The following C1orf185 variants were observed in gnomAD, a reference collection of about 807,000 sequenced individuals.
The protein encoded by C1orf185 is chromosome 1 open reading frame 185.
Under a neutral mutation model 16.1 loss-of-function variants are expected in C1orf185, and 13 were observed. That is an observed-to-expected ratio of 0.81 (90% CI 0.53 to 1.28). The LOEUF is 1.28. Ranked by LOEUF, C1orf185 falls within the 50% of genes most tolerant of loss-of-function variation. The probability of loss-of-function intolerance (pLI) is 0.00; values close to 1 mark genes in which losing one functional copy is unlikely to be tolerated. For synonymous variants in C1orf185, 80 were observed against 76.9 expected (o/e 1.04, Z -0.21); for missense variants, 220 against 225.2 (o/e 0.98, Z 0.15).
intron 3 of C1orf185, among the ~76,000 whole-genome samples, chr1:51,130,533 G>T (rs79474883): frequency 0.011 from 1,597 of 152,054 alleles, 33 homozygotes; most frequent in African/African-American, 0.035. Flanking sequence ...TATCTATATT[G>T]TTTATTTTAG....
intron 3 of C1orf185, among the ~76,000 whole-genome samples, chr1:51,122,887 A>G (rs2148018181): frequency 6.6e-6 from 1 of 152,316 alleles, no homozygotes; most frequent in East Asian, 1.9e-4. Flanking sequence ...TCACTTAGCA[A>G]TGTGCATTTA....
At chr1:51,112,345 A>G in intron 1 of C1orf185, 119 bp from the exon 2 acceptor site, 2 of 763,820 alleles carry the variant, frequency 2.6e-6, no homozygotes, top group South Asian at 2.2e-5. Flanking sequence ...CCATCTCCCA[A>G]TCTCCTGGTT....
At chr1:51,121,861 A>G (rs1199836102) in intron 3 of C1orf185, among the ~76,000 whole-genome samples, 1 of 152,126 alleles carries the variant, frequency 6.6e-6, no homozygotes, top group Non-Finnish European at 1.5e-5. Context: ...TGTTACCAGT[A>G]CCTTTGAGAT....
chr1:51,110,228 A>G (rs766202396), intron 1 of C1orf185, among the ~76,000 whole-genome samples: 1 of 152,212 alleles, frequency 6.6e-6, no homozygotes, highest in Non-Finnish European at 1.5e-5. Flanking sequence ...GGAGAAGTAA[A>G]TAAGTTAATG....
At chr1:51,102,359 A>G in intron 1 of C1orf185, 110 bp downstream of exon 1, 1 of 643,400 alleles carries the variant, frequency 1.6e-6, no homozygotes, top group Non-Finnish European at 2.9e-6. Context: ...AGCTTGTATA[A>G]GATAAGAAAT....
intron 3 of C1orf185, among the ~76,000 whole-genome samples, chr1:51,121,212 C>G (rs1388351028): frequency 6.6e-6 from 1 of 152,064 alleles, no homozygotes; most frequent in Non-Finnish European, 1.5e-5. Flanking sequence ...ATCTATTCCT[C>G]TTATCTAACT....
chr1:51,125,339 G>C (rs932108395), intron 3 of C1orf185, among the ~76,000 whole-genome samples: 12 of 152,128 alleles, frequency 7.9e-5, no homozygotes, highest in African/African-American at 2.9e-4. Context: ...AGGCTTGTGA[G>C]GACTTATAAG....
At chr1:51,119,509 T>C (rs1193155625) in intron 3 of C1orf185, among the ~76,000 whole-genome samples, 1 of 152,226 alleles carries the variant, frequency 6.6e-6, no homozygotes, top group Non-Finnish European at 1.5e-5. Context: ...AAACATTTGC[T>C]GGCTGGCCAT....
intron 3 of C1orf185, among the ~76,000 whole-genome samples, chr1:51,125,007 T>G (rs1475216860): frequency 6.6e-6 from 1 of 152,132 alleles, no homozygotes; most frequent in African/African-American, 2.4e-5. Context: ...CTTGCTCATT[T>G]TATGGGTATA....
At chr1:51,111,430 T>C (rs573632751) in intron 1 of C1orf185, among the ~76,000 whole-genome samples, 1 of 149,086 alleles carries the variant, frequency 6.7e-6, no homozygotes, top group Non-Finnish European at 1.5e-5. Context: ...TAGAGTGCAG[T>C]GGAGCAATTT....
At chr1:51,139,530 CTATT>C (rs576340103) in intron 3 of C1orf185, among the ~76,000 whole-genome samples, 44 of 152,234 alleles carry the variant, frequency 2.9e-4, no homozygotes, top group African/African-American at 1.0e-3. Flanking sequence ...AAGAGTAAAA[CTATT>C]TGTTTTTTGA....
Position 51,147,163 on chromosome 1 carries a change from C to T in C1orf185, c.296-304C>T, listed in dbSNP as rs182892947. Among the ~76,000 whole-genome samples, 260 of 152,074 alleles carry T rather than the reference C, an allele frequency of 1.7e-3. 2 individuals are homozygous for T. The highest frequency in any genetic ancestry group is 6.1e-3 in the African/African-American group (253 of 41,508). On this transcript the variant is annotated intron_variant, in intron 4 of 4. Transcript: ENST00000371759. ...AAAAATGATAGTTTATTAATTATACCAGTATTGTTAAAATTTATTTTTAAA... is the reference window on the plus strand; with the variant it reads ...AAAAATGATAGTTTATTAATTATACTAGTATTGTTAAAATTTATTTTTAAA...
chr1:51,146,241 T>A (rs1204432746), intron 4 of C1orf185, among the ~76,000 whole-genome samples: 1 of 151,910 alleles, frequency 6.6e-6, no homozygotes, highest in Admixed American at 6.6e-5. Flanking sequence ...GGCAGATCAC[T>A]TGAGGCCAGG....
chr1:51,111,767 G>A lies in C1orf185; in HGVS notation c.17-697G>A, dbSNP rs192089894. ...ACTCCTGACCTCAGGTGCTCTGCCC[G>A]TCTCAGCCTCCCAAAGTGCTGGGAT... On this transcript the variant is annotated intron_variant, in intron 1 of 4. Transcript: ENST00000371759. Among the ~76,000 whole-genome samples the A allele has an allele frequency of 3.9e-5, 6 of 152,242 alleles. No homozygotes were observed. The East Asian group carries it at 1.2e-3, about 29-fold the overall frequency.
intron 3 of C1orf185, among the ~76,000 whole-genome samples, chr1:51,138,394 A>ATTTG (rs967747391): frequency 2.0e-5 from 3 of 152,094 alleles, no homozygotes; most frequent in African/African-American, 7.2e-5. Flanking sequence ...CATCTTCAGA[A>ATTTG]TTTGTTTGTT....
Position 51,109,218 on chromosome 1 carries a change from C to A in C1orf185, c.17-3246C>A, listed in dbSNP as rs1013485355. Reference sequence around the variant, plus strand: ...TATACCTGTTGGTCATTTGTACGTCCTTTGAGAAATGTCTATTCAGATCAT... The same window carrying A: ...TATACCTGTTGGTCATTTGTACGTCATTTGAGAAATGTCTATTCAGATCAT... On this transcript the variant is annotated intron_variant, in intron 1 of 4. Transcript: ENST00000371759. 3.9e-5 allele frequency among the ~76,000 whole-genome samples: 6 copies of A among 152,108 alleles called. No homozygotes were observed. The East Asian group carries it at 9.6e-4, about 24-fold the overall frequency.
chr1:51,111,767 G>T (rs192089894), intron 1 of C1orf185, among the ~76,000 whole-genome samples: 1 of 152,124 alleles, frequency 6.6e-6, no homozygotes, highest in Non-Finnish European at 1.5e-5. Flanking sequence ...TGCTCTGCCC[G>T]TCTCAGCCTC....
intron 2 of C1orf185, among the ~76,000 whole-genome samples, chr1:51,116,456 G>A (rs1646158590): frequency 6.6e-6 from 1 of 151,894 alleles, no homozygotes; most frequent in African/African-American, 2.4e-5. Flanking sequence ...TGGGGCTACA[G>A]GTGCATGCCA....
In C1orf185 at chr1:51,124,571, C is replaced by A. The variant is rs76960753; in HGVS notation, c.258+5770C>A. Among the ~76,000 whole-genome samples, 1,307 of 152,292 alleles carry A rather than the reference C, an allele frequency of 8.6e-3. 22 individuals carry two copies. The highest frequency in any genetic ancestry group is 0.03 in the African/African-American group (1,262 of 41,552). ...AGGCAGCACATCCAGAGACAGCAACCTATGGGCTCTTATCAACTGTGATTA... is the reference window on the plus strand; with the variant it reads ...AGGCAGCACATCCAGAGACAGCAACATATGGGCTCTTATCAACTGTGATTA... On this transcript the variant is annotated intron_variant, in intron 3 of 4. Coordinates refer to ENST00000371759, the MANE Select transcript of C1orf185 (RefSeq NM_001136508.2).
Sources: gnomAD v4.1 joint callset for allele counts (sites outside exome capture counted in the v4.1 genomes callset) on GRCh38, gnomAD v4.1.1 for gene constraint, MANE v1.5 for transcripts, NCBI Gene and HGNC (gene_info 2026-07-23, HGNC 2026-07-21) for gene names.